The following ARMH3 variants were observed in gnomAD, a reference collection of about 807,000 sequenced individuals.
The protein encoded by ARMH3 is armadillo like helical domain containing 3.
In ARMH3, 60 loss-of-function variants were observed where a neutral mutation model predicts 99.1. The ratio of observed to expected loss-of-function variants is 0.61; its 90% CI spans 0.49 to 0.75. ARMH3 has a LOEUF of 0.75. ARMH3 is among the 30% of genes least tolerant of loss of function. ARMH3 has a pLI of 0.00. For missense variants in ARMH3, 679 were observed against 843.1 expected (o/e 0.81, Z 2.41); for synonymous variants, 285 against 292.8 (o/e 0.97, Z 0.27).
chr10:102,006,650 G>A lies in ARMH3; in HGVS notation c.955-17C>T, dbSNP rs769510926. The A allele has an allele frequency of 6.2e-7, 1 of 1,607,788 alleles. No individual in the cohort carries two copies. Among genetic ancestry groups the A allele is most frequent in the Admixed American group, 1.7e-5 (1 of 60,006 alleles). The stretch of plus-strand genomic sequence containing the variant: ...TGGATGGCTCTGAAAAAGATACACA[G>A]ATGTGTAAGAAAACAGAAAATCCAG... On this transcript the variant is annotated splice_polypyrimidine_tract_variant and intron_variant, in intron 13 of 25. Transcript: ENST00000370033.
chr10:101,851,653 G>T (rs1470908878), intron 24 of ARMH3, among the ~76,000 whole-genome samples: 2 of 152,188 alleles, frequency 1.3e-5, no homozygotes, highest in Non-Finnish European at 2.9e-5. Flanking sequence ...CACTCTGGCT[G>T]CCAAAAATTC....
intron 24 of ARMH3, among the ~76,000 whole-genome samples, chr10:101,862,845 A>G (rs1490575650): frequency 6.6e-6 from 1 of 152,374 alleles, no homozygotes; most frequent in African/African-American, 2.4e-5. Context: ...TAATACTCCA[A>G]TTAAAAGGCA....
At chr10:102,035,553 G>T (rs2067234951) in intron 2 of ARMH3, among the ~76,000 whole-genome samples, 1 of 152,024 alleles carries the variant, frequency 6.6e-6, no homozygotes, top group Non-Finnish European at 1.5e-5. Flanking sequence ...GCAGGCGCGC[G>T]CTGCCACGCC....
intron 23 of ARMH3, among the ~76,000 whole-genome samples, chr10:101,923,812 T>C (rs759677377): frequency 6.6e-6 from 1 of 152,194 alleles, no homozygotes; most frequent in Non-Finnish European, 1.5e-5. Context: ...CCTATGAAGG[T>C]TGTCATCCCT....
chr10:101,992,433 T>C lies in ARMH3; in HGVS notation c.1276-395A>G, dbSNP rs200305188. 1.2e-4 allele frequency among the ~76,000 whole-genome samples: 18 copies of C among 151,688 alleles called. No individual in the cohort carries two copies. The East Asian group carries it at 1.9e-3, about 16-fold the overall frequency. ...AAAGAGGAAGTGATGGTGCCACCTA[T>C]AGAAGCAGCAACAGTAGTAGTTGCA... On this transcript the variant is annotated intron_variant, in intron 17 of 25. Transcript: ENST00000370033.
In ARMH3 at chr10:102,023,403, A is replaced by G. The variant is rs1237571314; in HGVS notation, c.669+74T>C. The stretch of plus-strand genomic sequence containing the variant: ...ACCAAGAACGTCTTCTACATTAAGC[A>G]AAGTCCTTTAGGAGGGGCCGCATTT... On this transcript the variant is annotated intron_variant, in intron 8 of 25. Transcript: ENST00000370033. 7 of 1,347,986 alleles carry G rather than the reference A, an allele frequency of 5.2e-6. No homozygotes were observed. In the East Asian group the frequency reaches 1.6e-4, roughly 31 times the overall value. 83.5% of individuals were successfully genotyped at this position (1,347,986 alleles called of 1,614,324 possible).
rs563867805 is a variant in ARMH3 at position 101,997,384 on chromosome 10, G to A, written c.1151-2029C>T. The stretch of plus-strand genomic sequence containing the variant: ...CGAGGCGGGTGGATCACAAGGTCAG[G>A]AGATCGAGACCATCCTGGCCAACAT... On this transcript the variant is annotated intron_variant, in intron 15 of 25. Transcript: ENST00000370033. Among the ~76,000 whole-genome samples, 4 of 152,178 alleles carry A rather than the reference G, an allele frequency of 2.6e-5. No homozygotes were observed. The South Asian group carries it at 8.3e-4, about 32-fold the overall frequency.
rs1270591755 is a variant in ARMH3 at position 101,909,900 on chromosome 10, G to A, written c.1782-20410C>T. 2.6e-4 allele frequency among the ~76,000 whole-genome samples: 40 copies of A among 152,038 alleles called. 1 individual carries two copies. The highest frequency in any genetic ancestry group is 2.6e-3 in the Admixed American group (40 of 15,252). On this transcript the variant is annotated intron_variant, in intron 23 of 25. Transcript: ENST00000370033. ...ATTAATGTTTTCATATTGATTATAT[G>A]TTAGAAGAATAATATTTTGGGTACT...
chr10:102,049,463 AC>A (rs2067640327), intron 1 of ARMH3, among the ~76,000 whole-genome samples: 1 of 151,764 alleles, frequency 6.6e-6, no homozygotes, highest in African/African-American at 2.4e-5. Context: ...AATTGCTTGA[AC>A]CCAGGAGGCG....
rs200933112 is a variant in ARMH3, at chr10:101,986,447, CT to C, written c.1406+4103del. Among the ~76,000 whole-genome samples, 141 of 144,660 alleles carry C rather than the reference CT, an allele frequency of 9.7e-4. 1 individual carries two copies. The East Asian group carries it at 0.013, about 13-fold the overall frequency. 94.9% of individuals were successfully genotyped at this position (144,660 alleles called of 152,430 possible). On this transcript the variant is annotated intron_variant, in intron 19 of 25. Transcript: ENST00000370033. ...CTTAACTGCTCCAGGCAAGACCTTT[CT>C]TTTTTTTTTTTTCTTCAGTATAAGC...
Position 101,959,769 on chromosome 10 carries a change from C to G in ARMH3, c.1496-2037G>C, listed in dbSNP as rs61873607. On this transcript the variant is annotated intron_variant, in intron 20 of 25. Transcript: ENST00000370033. ...AGCCAGAGTATTGAAAGGGAGAGTC[C>G]AGTACCACAATACTCTGAGAGTCAG... Among the ~76,000 whole-genome samples, 1,210 of 152,330 alleles carry G rather than the reference C, an allele frequency of 7.9e-3. 8 individuals are homozygous for G. The highest frequency in any genetic ancestry group is 0.031 in the Middle Eastern group (9 of 294).
Position 102,023,678 on chromosome 10 carries a change from T to C in ARMH3, c.579A>G (p.Leu193=). The change falls in exon 7 of 26, where the codon TTA becomes TTG. Residue 193 remains leucine, a synonymous_variant. Coordinates refer to ENST00000370033, the MANE Select transcript of ARMH3 (RefSeq NM_024541.3). ...GAGGAGGTAACAAGGGACCTACCTG[T>C]AAAATTGCTTCAAATATGCTGTTGA... ...VMINSIFEAI[L]QILSHPPSRR... 1 of 1,613,880 alleles carries C rather than the reference T, an allele frequency of 6.2e-7. No homozygotes were observed. The highest frequency in any genetic ancestry group is 8.5e-7 in the Non-Finnish European group (1 of 1,179,726).
At chr10:102,006,707 T>C (rs1314395220) in intron 13 of ARMH3, 74 bp from the exon 14 acceptor site, 2 of 1,363,034 alleles carry the variant, frequency 1.5e-6, no homozygotes, top group Non-Finnish European at 2.1e-6. Flanking sequence ...CTAATACCAA[T>C]AAGGACTGGT....
chr10:102,008,019 G>C (rs532445232), intron 13 of ARMH3, among the ~76,000 whole-genome samples: 1 of 152,110 alleles, frequency 6.6e-6, no homozygotes, highest in African/African-American at 2.4e-5. Context: ...ATCAGCTCTT[G>C]AGAATTAAGC....
intron 8 of ARMH3, among the ~76,000 whole-genome samples, chr10:102,020,215 C>G (rs1252320879): frequency 6.6e-6 from 1 of 151,822 alleles, no homozygotes; most frequent in African/African-American, 2.4e-5. Context: ...ATAAATTTAA[C>G]GTAGCCTAAG....
chr10:101,933,628 T>C lies in ARMH3; in HGVS notation c.1781+6235A>G, dbSNP rs11191152. 6.2e-4 allele frequency among the ~76,000 whole-genome samples: 95 copies of C among 152,332 alleles called. 2 individuals are homozygous for C. In the East Asian group the frequency reaches 0.017, roughly 28 times the overall value. ...GGTAAACAATATTATACCAGCTTCA[T>C]TTTGGTGCTTTGTTTTAATCTGCAT... On this transcript the variant is annotated intron_variant, in intron 23 of 25. Coordinates refer to ENST00000370033, the MANE Select transcript of ARMH3 (RefSeq NM_024541.3).
intron 22 of ARMH3, among the ~76,000 whole-genome samples, chr10:101,946,062 ACTCTGCCTC>A (rs1314704506): frequency 8.7e-5 from 10 of 115,204 alleles, no homozygotes; most frequent in Non-Finnish European, 1.4e-4. Context: ...ACAGAGTAAG[ACTCTGCCTC>A]AAAAAAAAAA....
At chr10:102,006,425 C>T in intron 14 of ARMH3, 115 bp downstream of exon 14, 1 of 1,188,092 alleles carries the variant, frequency 8.4e-7, no homozygotes, top group African/African-American at 1.5e-5. Flanking sequence ...TACTACAGAC[C>T]AATTTAGTGG....
At chr10:101,912,691 C>T (rs1407767686) in intron 23 of ARMH3, among the ~76,000 whole-genome samples, 4 of 152,130 alleles carry the variant, frequency 2.6e-5, no homozygotes, top group Non-Finnish European at 5.9e-5. Flanking sequence ...TGTTTAGAAC[C>T]TCCAGCATAA....
Sources: allele counts gnomAD v4.1 joint callset (sites outside exome capture counted in the v4.1 genomes callset), GRCh38; gene constraint gnomAD v4.1.1; transcripts MANE v1.5; gene names NCBI Gene and HGNC (gene_info 2026-07-23, HGNC 2026-07-21).